Variants in NEK9 observed in about 807,000 individuals in gnomAD.
The protein encoded by NEK9 is NIMA related kinase 9.
NEK9 carries 75 observed loss-of-function variants against 123.4 expected under a neutral mutation model. The observed-to-expected ratio is 0.61, with a 90% CI of 0.50 to 0.74. NEK9 has a LOEUF of 0.74. Ranked by LOEUF, NEK9 falls within the 30% of genes least tolerant of loss-of-function variation. The probability of loss-of-function intolerance (pLI) is 0.00; values close to 1 mark genes in which losing one functional copy is unlikely to be tolerated. For synonymous variants in NEK9, 438 were observed against 458.7 expected, an observed-to-expected ratio of 0.95 and a Z score of 0.58; for missense variants, 952 against 1,214.4, an observed-to-expected ratio of 0.78 and a Z score of 3.21.
rs1306289338 is a variant in NEK9, at chr14:75,109,888, C to A, written c.990-11G>T. 6.3e-7 allele frequency: 1 copy of A among 1,587,990 alleles called. No homozygotes were observed. The highest frequency in any genetic ancestry group is 8.5e-7 in the Non-Finnish European group (1 of 1,169,690). ...GTCACAGTGCTTGACCTGCCAACAA[C>A]CCCCAGAACAAAGGAACATTTAACA... is the stretch of plus-strand genomic sequence containing the variant. On this transcript the variant is annotated splice_polypyrimidine_tract_variant and intron_variant, in intron 9 of 21. Transcript: ENST00000238616.
intron 20 of NEK9, 102 bp downstream of exon 20, chr14:75,088,378 G>A (rs781473277): frequency 1.8e-6 from 2 of 1,128,772 alleles, no homozygotes; most frequent in Non-Finnish European, 2.6e-6. Context: ...AGTTGATGCA[G>A]GGCAGCTGAA....
At position 75,082,627 on chromosome 14, in the gene NEK9, C is replaced by T. The variant is rs1258683441; in HGVS notation, c.*1937G>A. 1.4e-5 allele frequency: 3 copies of T among 207,066 alleles called. No individual in the cohort carries two copies. The highest frequency in any genetic ancestry group is 9.6e-6 in the Non-Finnish European group (1 of 104,372). 12.8% of individuals were successfully genotyped at this position (207,066 alleles called of 1,614,324 possible). A position where few individuals can be genotyped will look rare whatever the true frequency, so the allele number is the denominator to read the frequency against. ...CAAGACCAGGGCACTCACCCACCCC[C>T]GGCACTCACTTTCACCCCACCTTCT... On this transcript the variant is annotated 3_prime_UTR_variant, in exon 22 of 22. Coordinates refer to ENST00000238616, the MANE Select transcript of NEK9 (RefSeq NM_033116.6).
At chr14:75,106,844 C>T in intron 11 of NEK9, 142 bp from the exon 12 acceptor site, 2 of 646,150 alleles carry the variant, frequency 3.1e-6, no homozygotes, top group Non-Finnish European at 5.3e-6. Context: ...AAAGGACAGA[C>T]TGTGCAAGTC....
chr14:75,105,215 G>A (rs534477956), intron 13 of NEK9, among the ~76,000 whole-genome samples: 80 of 152,086 alleles, frequency 5.3e-4, no homozygotes, highest in African/African-American at 1.8e-3. Context: ...AGGAACAGCT[G>A]GGAATCCCAT....
intron 3 of NEK9, 74 bp from the exon 4 acceptor site, chr14:75,120,654 A>C: frequency 9.1e-7 from 1 of 1,094,186 alleles, no homozygotes; most frequent in Non-Finnish European, 1.4e-6. Flanking sequence ...CACATAAACA[A>C]ACAAAACAAA....
intron 14 of NEK9, among the ~76,000 whole-genome samples, chr14:75,103,620 A>G (rs1301140667): frequency 6.6e-6 from 1 of 152,118 alleles, no homozygotes; most frequent in Non-Finnish European, 1.5e-5. Context: ...CACAGTTTTG[A>G]TTTCTGCCAG....
chr14:75,101,864 T>C, intron 14 of NEK9, 99 bp from the exon 15 acceptor site: 1 of 771,678 alleles, frequency 1.3e-6, no homozygotes, highest in Admixed American at 2.0e-5. Context: ...AAAAGGCCTT[T>C]CAAGTAAGTT....
At chr14:75,120,328 TA>T (rs1467374746) in intron 4 of NEK9, among the ~76,000 whole-genome samples, 181 bp downstream of exon 4, 4 of 152,228 alleles carry the variant, frequency 2.6e-5, no homozygotes, top group African/African-American at 7.2e-5. Context: ...TCCTAGATCA[TA>T]AACATGGTTT....
chr14:75,092,889 T>G (rs972656492), intron 18 of NEK9, among the ~76,000 whole-genome samples: 2 of 152,168 alleles, frequency 1.3e-5, no homozygotes, highest in Non-Finnish European at 2.9e-5. Flanking sequence ...TCACCTGCTG[T>G]GCTGGCCTGG....
At chr14:75,096,600 T>G (rs1894391970) in intron 17 of NEK9, 1 of 152,204 alleles carries the variant, frequency 6.6e-6, no homozygotes, top group Admixed American at 6.5e-5. Flanking sequence ...GTGGATCACC[T>G]GAGGTCAGGA....
At chr14:75,123,580 A>G (rs1389939139) in intron 2 of NEK9, among the ~76,000 whole-genome samples, 1 of 152,166 alleles carries the variant, frequency 6.6e-6, no homozygotes, top group Admixed American at 6.5e-5. Flanking sequence ...GAAATCAGGG[A>G]CCAGATAAAT....
intron 9 of NEK9, 65 bp downstream of exon 9, chr14:75,110,256 T>G (rs1894916022): frequency 7.8e-7 from 1 of 1,277,218 alleles, no homozygotes; most frequent in Non-Finnish European, 1.1e-6. Context: ...ATGCCTACAC[T>G]CAAGAAAGAA....
At chr14:75,110,237 G>T in intron 9 of NEK9, 84 bp downstream of exon 9, 1 of 1,028,502 alleles carries the variant, frequency 9.7e-7, no homozygotes, top group Non-Finnish European at 1.5e-6. Flanking sequence ...AGTATCCTCG[G>T]ATCAAATAAT....
rs1257085125 is a variant in NEK9, at chr14:75,081,651, T to G, written c.*2913A>C. ...TGGCAAGTGAAATGAAATTTTTTAG[T>G]GTACTTTTGCTTTAAACTTCAGTGA... On this transcript the variant is annotated 3_prime_UTR_variant, in exon 22 of 22. Coordinates refer to ENST00000238616, the MANE Select transcript of NEK9 (RefSeq NM_033116.6). This position sits in a 1 kb window ranked among gnomAD's most constrained non-coding sequence, Gnocchi z 4.2. 2 of 152,192 alleles carry G rather than the reference T, an allele frequency of 1.3e-5. No individual in the cohort carries two copies. The allele number at this position is 152,192 out of a possible 1,614,324, so 9.4% of individuals were successfully genotyped here. A position where few individuals can be genotyped will look rare whatever the true frequency, so the allele number is the denominator to read the frequency against.
chr14:75,121,957 A>G (rs1895350930), intron 2 of NEK9, among the ~76,000 whole-genome samples: 1 of 152,218 alleles, frequency 6.6e-6, no homozygotes, highest in Non-Finnish European at 1.5e-5. Context: ...CTTCACACCG[A>G]AATATTTCCC....
Position 75,091,319 on chromosome 14 carries a change from A to G in NEK9, c.2393T>C (p.Met798Thr). Reference sequence around the variant, plus strand: ...GCTGCTGGCCCCATTACTGTTCCCCATGGCCTCTGTGGGACTGATTAAACC... The same window carrying G: ...GCTGCTGGCCCCATTACTGTTCCCCGTGGCCTCTGTGGGACTGATTAAACC... The part of the protein sequence containing the change: ...MEGLISPTEA[M>T]GNSNGASSSC... The change falls in exon 19 of 22, where the codon ATG (methionine) becomes ACG (threonine). Residue 798 changes from methionine to threonine, a missense_variant. Met to Thr is a moderately conservative substitution (Grantham distance 81, BLOSUM62 -1). This residue lies in a region of NEK9 where 698 missense variants were observed against 875.6 expected (regional missense o/e 0.80). Transcript: ENST00000238616. The G allele has an allele frequency of 6.2e-7, 1 of 1,613,786 alleles. No homozygotes were observed. The highest frequency in any genetic ancestry group is 8.5e-7 in the Non-Finnish European group (1 of 1,179,894).
rs532017964 is a variant in NEK9, at chr14:75,086,703, C to T, written c.2817+315G>A. ...CGGGTGGATCATGAAGTCAAGTGAT[C>T]GAGACCATCCTGGCCAACACGGTGA... On this transcript the variant is annotated intron_variant, in intron 21 of 21. Transcript: ENST00000238616. The T allele has an allele frequency of 5.1e-5, 14 of 273,600 alleles. 2 individuals carry two copies. The highest frequency in any genetic ancestry group is 4.9e-4 in the South Asian group (12 of 24,702). The allele number at this position is 273,600 out of a possible 1,614,324, so 16.9% of individuals were successfully genotyped here.
Position 75,101,090 on chromosome 14 carries a change from T to C in NEK9, c.1904A>G (p.Lys635Arg), listed in dbSNP as rs1445198459. The C allele has an allele frequency of 3.1e-6, 5 of 1,614,246 alleles. No individual in the cohort carries two copies. Among genetic ancestry groups the C allele is most frequent in the African/African-American group, 1.3e-5 (1 of 75,064 alleles). Residue 635 changes from lysine to arginine, a missense_variant, in exon 16 of 22, where the codon AAG becomes AGG. Lys to Arg is a conservative substitution (Grantham distance 26). This residue lies in a region of NEK9 where 698 missense variants were observed against 875.6 expected (regional missense o/e 0.80). Transcript: ENST00000238616. ...CAACAGGTTGATTCCCAGACGCTTC[T>C]TGTAGTTCCCAACGCCCAGCTGCCC... ...KCGQLGVGNY[K>R]KRLGINLLGG...
chr14:75,105,793 A>G (rs1894751383), intron 13 of NEK9, among the ~76,000 whole-genome samples, 157 bp downstream of exon 13: 1 of 152,254 alleles, frequency 6.6e-6, no homozygotes, highest in South Asian at 2.1e-4. Context: ...ACAAGACCAC[A>G]GGGTGCTAAA....
Sources: allele counts gnomAD v4.1 joint callset (sites outside exome capture counted in the v4.1 genomes callset), GRCh38; gene constraint gnomAD v4.1.1; regional missense constraint gnomAD v4.1.1; non-coding constraint Gnocchi (gnomAD v3.1); transcripts MANE v1.5; gene names NCBI Gene and HGNC (gene_info 2026-07-23, HGNC 2026-07-21).